Variants in GNG2 observed in about 807,000 individuals in gnomAD.
GNG2 encodes G protein subunit gamma 2.
Under a neutral mutation model 5.5 loss-of-function variants are expected in GNG2, and 5 were observed. The ratio of observed to expected loss-of-function variants is 0.91; its 90% confidence interval spans 0.48 to 1.92. The LOEUF (loss-of-function observed/expected upper bound fraction) is 1.92. GNG2 is among the 30% of genes most tolerant of loss of function. The pLI is 0.01. For synonymous variants in GNG2, 28 were observed against 32.0 expected (o/e 0.88, Z 0.42); for missense variants, 55 against 88.4 (o/e 0.62, Z 1.52).
At position 51,833,738 on chromosome 14, in the gene GNG2, A is replaced by G. The variant is rs1168982500; in HGVS notation, c.64+5931A>G. On this transcript the variant is annotated intron_variant, in intron 2 of 3. Transcript: ENST00000553432. ...ACTGATTTTTAGAAAAGCTCCTGGG[A>G]GTCCACATTCTATAGACTATCACTC... Among the ~76,000 whole-genome samples, 4 of 152,376 alleles carry G rather than the reference A, an allele frequency of 2.6e-5. No individual in the cohort carries two copies. The East Asian group carries it at 7.7e-4, about 29-fold the overall frequency.
intron 2 of GNG2, among the ~76,000 whole-genome samples, chr14:51,921,813 A>G (rs546942630): frequency 6.6e-6 from 1 of 152,364 alleles, no homozygotes; most frequent in East Asian, 1.9e-4. Context: ...GATTTTTCAA[A>G]TTATGAAAAA....
At chr14:51,828,273 G>A (rs572629158) in intron 2 of GNG2, among the ~76,000 whole-genome samples, 3 of 152,184 alleles carry the variant, frequency 2.0e-5, no homozygotes, top group African/African-American at 7.2e-5. Flanking sequence ...CCTGGTCTGC[G>A]GTGAGCGCTT....
intron 2 of GNG2, among the ~76,000 whole-genome samples, chr14:51,935,853 G>C (rs1029695571): frequency 2.6e-5 from 4 of 152,108 alleles, no homozygotes; most frequent in Admixed American, 1.3e-4. Context: ...AGGAGAGAGA[G>C]AGCGATGTTT....
chr14:51,829,474 G>T (rs1355016074), intron 2 of GNG2, among the ~76,000 whole-genome samples: 1 of 151,820 alleles, frequency 6.6e-6, no homozygotes, highest in Non-Finnish European at 1.5e-5. Context: ...TTGCTCCAGG[G>T]TACTCACGTG....
chr14:51,956,929 A>G (rs1259841166), intron 3 of GNG2, among the ~76,000 whole-genome samples: 1 of 152,130 alleles, frequency 6.6e-6, no homozygotes, highest in Non-Finnish European at 1.5e-5. Flanking sequence ...CAGTCTTTCT[A>G]GAGTAATTCT....
At chr14:51,865,286 AG>A (rs1342144935) in intron 1 of GNG2, among the ~76,000 whole-genome samples, 1 of 151,992 alleles carries the variant, frequency 6.6e-6, no homozygotes, top group Non-Finnish European at 1.5e-5. Context: ...TGGGTGGGAG[AG>A]GAGAGTTGCA....
intron 2 of GNG2, among the ~76,000 whole-genome samples, chr14:51,914,851 G>A (rs1886519966): frequency 6.6e-6 from 1 of 152,082 alleles, no homozygotes; most frequent in Non-Finnish European, 1.5e-5. Flanking sequence ...GCATAACTTT[G>A]GAAGAAACCT....
At chr14:51,947,609 C>A (rs989754937) in intron 2 of GNG2, among the ~76,000 whole-genome samples, 1 of 152,202 alleles carries the variant, frequency 6.6e-6, no homozygotes, top group African/African-American at 2.4e-5. Context: ...CTGCTTGTAC[C>A]TTGACTTTAG....
intron 3 of GNG2, among the ~76,000 whole-genome samples, chr14:51,953,029 T>G (rs765278997): frequency 9.9e-5 from 15 of 152,172 alleles, no homozygotes; most frequent in Non-Finnish European, 1.9e-4. Flanking sequence ...AACTTTTAAT[T>G]CTTTTGATGG....
intron 2 of GNG2, among the ~76,000 whole-genome samples, chr14:51,941,632 A>G (rs1428314185): frequency 6.6e-6 from 1 of 152,218 alleles, no homozygotes; most frequent in Admixed American, 6.5e-5. Context: ...CTCTCCACCC[A>G]TTAACAAACC....
At chr14:51,926,767 C>T (rs1045246977) in intron 2 of GNG2, among the ~76,000 whole-genome samples, 2 of 151,876 alleles carry the variant, frequency 1.3e-5, no homozygotes, top group Admixed American at 6.6e-5. Flanking sequence ...CCCTGTTTCC[C>T]TTTTTTTTCT....
At chr14:51,948,898 G>T (rs1400160530) in intron 2 of GNG2, among the ~76,000 whole-genome samples, 1 of 152,176 alleles carries the variant, frequency 6.6e-6, no homozygotes, top group East Asian at 1.9e-4. Context: ...GAGGTGGGCG[G>T]ATCACGAGGT....
intron 2 of GNG2, among the ~76,000 whole-genome samples, chr14:51,890,245 A>G (rs1884761581): frequency 6.6e-6 from 1 of 152,200 alleles, no homozygotes; most frequent in Non-Finnish European, 1.5e-5. Context: ...CAACATTGTA[A>G]TATCTGGAAA....
chr14:51,917,089 G>A (rs1886690838), intron 2 of GNG2, among the ~76,000 whole-genome samples: 1 of 152,134 alleles, frequency 6.6e-6, no homozygotes, highest in Admixed American at 6.5e-5. Context: ...GGAGGATGTA[G>A]GAGTTAGGAA....
At chr14:51,850,542 A>G (rs1296260318) in intron 2 of GNG2, among the ~76,000 whole-genome samples, 1 of 152,184 alleles carries the variant, frequency 6.6e-6, no homozygotes, top group Non-Finnish European at 1.5e-5. Flanking sequence ...GCAGAAAAAC[A>G]TTTCTTCTGG....
intron 2 of GNG2, among the ~76,000 whole-genome samples, chr14:51,891,566 T>C (rs914471747): frequency 3.9e-5 from 6 of 152,178 alleles, no homozygotes; most frequent in Non-Finnish European, 8.8e-5. Context: ...TCCATCCTCC[T>C]TTTTCTTCCT....
intron 2 of GNG2, among the ~76,000 whole-genome samples, chr14:51,889,109 C>CT (rs1173479215): frequency 0.023 from 2,688 of 118,898 alleles, 69 homozygotes; most frequent in Non-Finnish European, 0.033. Flanking sequence ...TGGGTTTGCG[C>CT]TTTTTTTTTT....
At chr14:51,890,975 C>T (rs1360770552) in intron 2 of GNG2, among the ~76,000 whole-genome samples, 1 of 152,068 alleles carries the variant, frequency 6.6e-6, no homozygotes, top group Non-Finnish European at 1.5e-5. Context: ...AAGAACAGTA[C>T]ATTCTTTAGA....
rs1202295807 is a variant in GNG2, at chr14:51,968,136, A to G, written c.*1449A>G. 2.0e-5 allele frequency: 3 copies of G among 152,180 alleles called. No individual in the cohort carries two copies. The highest frequency in any genetic ancestry group is 6.5e-5 in the Admixed American group (1 of 15,280). The allele number at this position is 152,180 out of a possible 1,614,324, so 9.4% of individuals were successfully genotyped here. On this transcript the variant is annotated 3_prime_UTR_variant, in exon 4 of 4. Transcript: ENST00000556766. ...CTTTATTTACAAATTCCTTGCAACT[A>G]GAGCGCTCCTTCCCCAAGATATGGT...
Sources: allele counts gnomAD v4.1 joint callset (sites outside exome capture counted in the v4.1 genomes callset), GRCh38; gene constraint gnomAD v4.1.1; transcripts MANE v1.5; gene names NCBI Gene and HGNC (gene_info 2026-07-23, HGNC 2026-07-21).